The following ADCY8 variants were observed in gnomAD, a reference collection of about 807,000 sequenced individuals.
ADCY8 encodes the protein adenylate cyclase type 8.
ADCY8 carries 51 observed loss-of-function variants against 119.7 expected under a neutral mutation model. The ratio of observed to expected loss-of-function variants is 0.43; its 90% CI spans 0.34 to 0.54. ADCY8 has a LOEUF of 0.54. Ranked by LOEUF, ADCY8 falls within the 20% of genes least tolerant of loss-of-function variation. The probability of loss-of-function intolerance (pLI) is 0.03; values close to 1 mark genes in which losing one functional copy is unlikely to be tolerated. For missense variants in ADCY8, 1,383 were observed against 1,598.8 expected, an observed-to-expected ratio of 0.87 and a Z score of 2.30; for synonymous variants, 665 against 651.0, an observed-to-expected ratio of 1.02 and a Z score of -0.33.
At chr8:130,938,253 A>G (rs1820848968) in intron 4 of ADCY8, among the ~76,000 whole-genome samples, 1 of 152,164 alleles carries the variant, frequency 6.6e-6, no homozygotes, top group Non-Finnish European at 1.5e-5. Context: ...CCCTTGTGCC[A>G]CTATGAGGGT....
intron 2 of ADCY8, 25 bp from the exon 3 acceptor site, chr8:130,952,023 C>T: frequency 1.2e-6 from 2 of 1,611,400 alleles, no homozygotes; most frequent in South Asian, 2.2e-5. Flanking sequence ...GAGGGACGGT[C>T]CTGTTAGGCT....
At chr8:130,862,595 A>G (rs1817974560) in intron 9 of ADCY8, among the ~76,000 whole-genome samples, 1 of 151,984 alleles carries the variant, frequency 6.6e-6, no homozygotes, top group Non-Finnish European at 1.5e-5. Context: ...TGTATTTTTT[A>G]GTAGAGACGG....
chr8:130,804,435 T>G (rs892979321), intron 14 of ADCY8, among the ~76,000 whole-genome samples: 25 of 152,210 alleles, frequency 1.6e-4, no homozygotes, highest in African/African-American at 5.8e-4. Flanking sequence ...ATTACCTCTT[T>G]AAAGATGCTG....
rs1563691539 is a variant in ADCY8 at position 130,849,787 on chromosome 8, T to C, written c.2227A>G (p.Ile743Val). The C allele has an allele frequency of 6.2e-7, 1 of 1,612,922 alleles. No individual in the cohort carries two copies. Among genetic ancestry groups the C allele is most frequent in the African/African-American group, 1.3e-5 (1 of 74,990 alleles). Reference sequence around the variant, plus strand: ...AGCATAATCAGAATGGAGAACTGGATGGTCATTGGCATCACTCTGCAGGGA... The same window carrying C: ...AGCATAATCAGAATGGAGAACTGGACGGTCATTGGCATCACTCTGCAGGGA... The part of the protein sequence containing the change: ...LPSSRVMPMT[I>V]QFSILIMLHS... Residue 743 changes from isoleucine to valine, a missense_variant, in exon 10 of 18, where the codon ATC becomes GTC. Physicochemically the swap from Ile to Val is conservative, Grantham distance 29 (BLOSUM62 3). Transcript: ENST00000286355.
At chr8:131,012,579 G>T (rs1261560572) in intron 1 of ADCY8, among the ~76,000 whole-genome samples, 1 of 152,188 alleles carries the variant, frequency 6.6e-6, no homozygotes, top group Non-Finnish European at 1.5e-5. Context: ...TCTCCATTCA[G>T]GAAAGATGGA....
intron 2 of ADCY8, 55 bp downstream of exon 2, chr8:130,990,338 T>A (rs1822535355): frequency 1.9e-6 from 3 of 1,589,032 alleles, no homozygotes; most frequent in African/African-American, 2.7e-5. Flanking sequence ...TAGCTCCATA[T>A]AATTTAGAGA....
At chr8:130,913,582 C>G (rs1466964318) in intron 5 of ADCY8, among the ~76,000 whole-genome samples, 1 of 152,152 alleles carries the variant, frequency 6.6e-6, no homozygotes, top group African/African-American at 2.4e-5. Flanking sequence ...CATCATGAGT[C>G]AAGGAGCTCC....
chr8:130,968,489 C>T (rs1274143993), intron 2 of ADCY8, among the ~76,000 whole-genome samples: 1 of 152,154 alleles, frequency 6.6e-6, no homozygotes, highest in Non-Finnish European at 1.5e-5. Context: ...TGCTTTTTAT[C>T]ATCACTATTC....
At chr8:130,951,416 GGATA>G (rs1366286913) in intron 3 of ADCY8, among the ~76,000 whole-genome samples, 1 of 152,136 alleles carries the variant, frequency 6.6e-6, no homozygotes, top group Admixed American at 6.5e-5. Flanking sequence ...ATGGGTGGAT[GGATA>G]GATGGATGGT....
At chr8:130,841,621 GGAA>G (rs1817145677) in intron 11 of ADCY8, among the ~76,000 whole-genome samples, 1 of 152,188 alleles carries the variant, frequency 6.6e-6, no homozygotes, top group Admixed American at 6.5e-5. Context: ...TAGAAGAGGA[GGAA>G]GAAGAATTAT....
At chr8:131,026,014 A>G (rs1043708040) in intron 1 of ADCY8, among the ~76,000 whole-genome samples, 10 of 152,244 alleles carry the variant, frequency 6.6e-5, no homozygotes, top group Non-Finnish European at 8.8e-5. Flanking sequence ...GCCTGCATGC[A>G]GCACACTGTG....
chr8:130,831,916 T>G (rs1319312973), intron 12 of ADCY8, among the ~76,000 whole-genome samples: 1 of 152,236 alleles, frequency 6.6e-6, no homozygotes, highest in Non-Finnish European at 1.5e-5. Flanking sequence ...GCTTATCATA[T>G]GCCAGACCTG....
intron 5 of ADCY8, among the ~76,000 whole-genome samples, chr8:130,915,923 G>A (rs1295702850): frequency 6.6e-6 from 1 of 152,042 alleles, no homozygotes; most frequent in Non-Finnish European, 1.5e-5. Context: ...CAGTCACCTG[G>A]AAAAAACGGT....
intron 3 of ADCY8, among the ~76,000 whole-genome samples, chr8:130,950,652 C>A (rs1033169856): frequency 6.6e-6 from 1 of 152,218 alleles, no homozygotes; most frequent in African/African-American, 2.4e-5. Flanking sequence ...TGTACTTCTC[C>A]ATTCTTCCCT....
intron 3 of ADCY8, among the ~76,000 whole-genome samples, chr8:130,950,276 C>A (rs1037631532): frequency 6.6e-6 from 1 of 152,200 alleles, no homozygotes; most frequent in Non-Finnish European, 1.5e-5. Context: ...GCTTTCCAGG[C>A]ACTTAAAGAA....
intron 12 of ADCY8, among the ~76,000 whole-genome samples, chr8:130,822,531 CATGA>C (rs767904211): frequency 2.2e-5 from 3 of 134,198 alleles, no homozygotes; most frequent in East Asian, 4.4e-4. Flanking sequence ...TCCATGAATC[CATGA>C]ATCCATCCAT....
intron 2 of ADCY8, among the ~76,000 whole-genome samples, chr8:130,964,940 T>G (rs1821718093): frequency 6.6e-6 from 1 of 152,220 alleles, no homozygotes; most frequent in African/African-American, 2.4e-5. Flanking sequence ...CTGAGCATTT[T>G]TTCATAGGTT....
intron 1 of ADCY8, among the ~76,000 whole-genome samples, chr8:131,031,539 A>G (rs914544352): frequency 5.3e-5 from 8 of 152,132 alleles, no homozygotes; most frequent in African/African-American, 1.9e-4. Flanking sequence ...TGTGTTGGAA[A>G]CTTAATCCCA....
intron 1 of ADCY8, among the ~76,000 whole-genome samples, chr8:131,014,426 A>T (rs1452477464): frequency 6.6e-6 from 1 of 152,176 alleles, no homozygotes; most frequent in Non-Finnish European, 1.5e-5. Context: ...ATGGTGATTC[A>T]TACCTAACAC....
Sources: allele counts gnomAD v4.1 joint callset (sites outside exome capture counted in the v4.1 genomes callset), GRCh38; gene constraint gnomAD v4.1.1; transcripts MANE v1.5; gene names NCBI Gene and HGNC (gene_info 2026-07-23, HGNC 2026-07-21).